NIM1K: variants seen among roughly 807,000 people sequenced by gnomAD.
The protein encoded by NIM1K is serine/threonine-protein kinase NIM1.
In NIM1K, 35 loss-of-function variants were observed where a neutral mutation model predicts 37.1. The ratio of observed to expected loss-of-function variants is 0.94; its 90% CI spans 0.72 to 1.25. The LOEUF (loss-of-function observed/expected upper bound fraction) is 1.25. Among genes scored for constraint, NIM1K ranks in the 50% most tolerant of loss-of-function variants. The pLI, the probability that NIM1K is intolerant of heterozygous loss-of-function variation, is 0.00. For missense variants in NIM1K, 564 were observed against 548.0 expected (o/e 1.03, Z -0.29); for synonymous variants, 234 against 206.6 (o/e 1.13, Z -1.14).
chr5:43,198,164 TTTC>T (rs1561069726), intron 1 of NIM1K, among the ~76,000 whole-genome samples: 34 of 51,820 alleles, frequency 6.6e-4, no homozygotes, highest in African/African-American at 2.1e-3. Flanking sequence ...TCTTTCTTTC[TTTC>T]TTTCTTTCTT....
intron 1 of NIM1K, among the ~76,000 whole-genome samples, chr5:43,234,120 A>G (rs1401893228): frequency 1.3e-5 from 2 of 152,218 alleles, no homozygotes; most frequent in East Asian, 3.8e-4. Flanking sequence ...CAGAGCTAAC[A>G]GTCAGGAAAT....
At chr5:43,246,485 C>CACCTCATCTCCCAAGCCACCT (rs1561085957) in intron 2 of NIM1K, among the ~76,000 whole-genome samples, 1 of 152,032 alleles carries the variant, frequency 6.6e-6, no homozygotes, top group Non-Finnish European at 1.5e-5. Flanking sequence ...TCTCCCAAGC[C>CACCTCATCTCCCAAGCCACCT]CATATTTATA....
rs762209025 is a variant in NIM1K, at chr5:43,280,081, C to CA, written c.669dup (p.Gly224ArgfsTer2). On this transcript the variant is annotated frameshift_variant, in exon 4 of 4. Coordinates refer to ENST00000326035, the MANE Select transcript of NIM1K (RefSeq NM_153361.4). LOFTEE classifies it high-confidence loss of function. Reference sequence around the variant, plus strand: ...GCGATTTTGGATTCAGCACAGTAAGCAAAAAAGGTGAAATGCTGAACACTT... The same window carrying CA: ...GCGATTTTGGATTCAGCACAGTAAGCAAAAAAAGGTGAAATGCTGAACACTT... The CA allele has an allele frequency of 6.2e-6, 10 of 1,614,026 alleles. No individual in the cohort carries two copies. The highest frequency in any genetic ancestry group is 1.7e-5 in the Admixed American group (1 of 60,006).
chr5:43,231,837 C>T (rs766835401), intron 1 of NIM1K: 2 of 1,224,260 alleles, frequency 1.6e-6, no homozygotes, highest in Non-Finnish European at 2.3e-6. Flanking sequence ...TTCTTCCTCA[C>T]CTTCTCCTTC....
chr5:43,231,105 C>A (rs1752532175), intron 1 of NIM1K, among the ~76,000 whole-genome samples: 1 of 152,190 alleles, frequency 6.6e-6, no homozygotes, highest in Non-Finnish European at 1.5e-5. Context: ...ATCACTTGAG[C>A]TCAGGAGTTC....
At chr5:43,199,714 G>A (rs1367947380) in intron 1 of NIM1K, among the ~76,000 whole-genome samples, 1 of 150,156 alleles carries the variant, frequency 6.7e-6, no homozygotes, top group Non-Finnish European at 1.5e-5. Context: ...AACTGGGATC[G>A]CCAGCTACTA....
intron 1 of NIM1K, among the ~76,000 whole-genome samples, chr5:43,238,649 C>T (rs928114334): frequency 6.6e-6 from 1 of 151,858 alleles, no homozygotes; most frequent in African/African-American, 2.4e-5. Context: ...AAGCTCCCTG[C>T]GTGTGCATGA....
chr5:43,239,923 T>G (rs1008284171), intron 1 of NIM1K, among the ~76,000 whole-genome samples: 1 of 152,094 alleles, frequency 6.6e-6, no homozygotes, highest in Non-Finnish European at 1.5e-5. Flanking sequence ...AGTCCTGAAT[T>G]ATCTTTTTAT....
chr5:43,266,242 G>T (rs552408032), intron 2 of NIM1K, among the ~76,000 whole-genome samples: 1 of 152,324 alleles, frequency 6.6e-6, no homozygotes, highest in Admixed American at 6.5e-5. Context: ...AGGCAGGCTG[G>T]CCTCCTTGAG....
chr5:43,232,750 A>C (rs553870273), intron 1 of NIM1K: 37 of 1,193,044 alleles, frequency 3.1e-5, no homozygotes, highest in Non-Finnish European at 3.9e-5. Context: ...TCCTTCACCA[A>C]AGCTGTGGAA....
intron 2 of NIM1K, among the ~76,000 whole-genome samples, chr5:43,271,937 G>A (rs1460625757): frequency 2.0e-5 from 3 of 152,066 alleles, no homozygotes; most frequent in Non-Finnish European, 4.4e-5. Context: ...TAACCTTTTA[G>A]GATTGGCATT....
intron 1 of NIM1K, among the ~76,000 whole-genome samples, chr5:43,226,489 A>G (rs1752459032): frequency 6.6e-6 from 1 of 152,254 alleles, no homozygotes; most frequent in Non-Finnish European, 1.5e-5. Context: ...GGCTTCAGCT[A>G]GAAGGATGTC....
intron 1 of NIM1K, among the ~76,000 whole-genome samples, chr5:43,244,191 G>A (rs1046508410): frequency 3.3e-5 from 5 of 152,218 alleles, no homozygotes; most frequent in African/African-American, 9.6e-5. Context: ...TTCCAAGGCA[G>A]TCTCTCATGT....
At chr5:43,212,815 C>T (rs1480837852) in intron 1 of NIM1K, among the ~76,000 whole-genome samples, 1 of 152,214 alleles carries the variant, frequency 6.6e-6, no homozygotes. Flanking sequence ...TCTCACCATG[C>T]ACTTGGGTCT....
intron 1 of NIM1K, among the ~76,000 whole-genome samples, chr5:43,211,606 A>T (rs186386986): frequency 4.6e-5 from 7 of 152,346 alleles, no homozygotes; most frequent in Middle Eastern, 3.4e-3. Context: ...TGAGACCTCA[A>T]GTACTTGGAG....
At chr5:43,214,670 G>T (rs1752271742) in intron 1 of NIM1K, among the ~76,000 whole-genome samples, 1 of 151,974 alleles carries the variant, frequency 6.6e-6, no homozygotes, top group South Asian at 2.1e-4. Context: ...AAAAAAATTA[G>T]CTGGGCATGG....
rs7727600 is a variant in NIM1K at position 43,232,739 on chromosome 5, T to C, written c.-694-12343T>C. Reference sequence around the variant, plus strand: ...AGCGGGGAGGTGAACCCAGAACCAATTCCTTCACCAAAGCTGTGGAAAAAC... The same window carrying C: ...AGCGGGGAGGTGAACCCAGAACCAACTCCTTCACCAAAGCTGTGGAAAAAC... On this transcript the variant is annotated intron_variant, in intron 1 of 3. Transcript: ENST00000326035. The C allele has an allele frequency of 4.2e-3, 5,149 of 1,214,444 alleles. 156 individuals are homozygous for C. In the African/African-American group the frequency reaches 0.069, roughly 16 times the overall value. 75.2% of individuals were successfully genotyped at this position (1,214,444 alleles called of 1,614,324 possible). A position where few individuals can be genotyped will look rare whatever the true frequency, so the allele number is the denominator to read the frequency against.
chr5:43,274,447 G>C (rs1253993071), intron 2 of NIM1K, among the ~76,000 whole-genome samples: 2 of 152,262 alleles, frequency 1.3e-5, no homozygotes, highest in Admixed American at 6.5e-5. Context: ...AAATCGAAGG[G>C]TGGAATTCAT....
intron 1 of NIM1K, among the ~76,000 whole-genome samples, chr5:43,218,740 T>G (rs35771414): frequency 7.1e-6 from 1 of 141,332 alleles, no homozygotes; most frequent in East Asian, 2.0e-4. Context: ...TTTTTTTTTG[T>G]GAGTCTCATT....
Sources: gnomAD v4.1 joint callset for allele counts (sites outside exome capture counted in the v4.1 genomes callset) on GRCh38, gnomAD v4.1.1 for gene constraint, MANE v1.5 for transcripts, NCBI Gene and HGNC (gene_info 2026-07-23, HGNC 2026-07-21) for gene names.